RPS6KC1: variants seen among roughly 807,000 people sequenced by gnomAD.
The protein encoded by RPS6KC1 is inactive ribosomal protein S6 kinase delta-1.
Under a neutral mutation model 103.8 loss-of-function variants are expected in RPS6KC1, and 54 were observed. That is an observed-to-expected ratio of 0.52 (90% CI 0.42 to 0.65). The LOEUF is 0.65. Among genes scored for constraint, RPS6KC1 ranks in the 30% least tolerant of loss-of-function variants. The pLI, the probability that RPS6KC1 is intolerant of heterozygous loss-of-function variation, is 0.00. For synonymous variants in RPS6KC1, 439 were observed against 438.7 expected, an observed-to-expected ratio of 1.00 and a Z score of -0.01; for missense variants, 1,151 against 1,253.8, an observed-to-expected ratio of 0.92 and a Z score of 1.24.
chr1:213,266,677 C>T (rs187843205), intron 14 of RPS6KC1, among the ~76,000 whole-genome samples: 239 of 152,090 alleles, frequency 1.6e-3, no homozygotes, highest in Non-Finnish European at 2.7e-3. Context: ...GAGGCCGAGG[C>T]GGGTGGATCA....
chr1:213,164,478 C>T (rs924259776), intron 6 of RPS6KC1, among the ~76,000 whole-genome samples: 1 of 152,200 alleles, frequency 6.6e-6, no homozygotes, highest in Non-Finnish European at 1.5e-5. Flanking sequence ...TTGTCACAAT[C>T]CACATTAAGA....
chr1:213,547,186 A>G, the RPS6KC1 span, among the ~76,000 whole-genome samples: 1 of 152,218 alleles, frequency 6.6e-6, no homozygotes, highest in Non-Finnish European at 1.5e-5. Flanking sequence ...AGCATGATTT[A>G]TGACTGTTGA....
chr1:213,463,199 G>C, the RPS6KC1 span, among the ~76,000 whole-genome samples: 1 of 152,186 alleles, frequency 6.6e-6, no homozygotes, highest in Admixed American at 6.5e-5. Flanking sequence ...CTGCTAGAGA[G>C]AGTCAATGTT....
the RPS6KC1 span, among the ~76,000 whole-genome samples, chr1:213,467,106 C>A: frequency 6.6e-6 from 1 of 151,902 alleles, no homozygotes; most frequent in African/African-American, 2.4e-5. Flanking sequence ...GAATTGACTG[C>A]CTCTGGGCAG....
Position 213,137,777 on chromosome 1 carries a change from C to CTCTATATA in RPS6KC1, c.835+7889_835+7890insCTATATAT, listed in dbSNP as rs1387641875. On this transcript the variant is annotated intron_variant, in intron 6 of 14. Transcript: ENST00000366960. ...GCTCTCTCTCTCTCTCTCTCTCTCT[C>CTCTATATA]TATATATATATATATATATATATTT... Among the ~76,000 whole-genome samples, 33 of 63,584 alleles carry CTCTATATA rather than the reference C, an allele frequency of 5.2e-4. 2 individuals carry two copies. Among genetic ancestry groups the CTCTATATA allele is most frequent in the African/African-American group, 9.6e-4 (9 of 9,406 alleles). The allele number at this position is 63,584 out of a possible 152,430, so 41.7% of individuals were successfully genotyped here. A position where few individuals can be genotyped will look rare whatever the true frequency, so the allele number is the denominator to read the frequency against.
At chr1:213,439,748 C>A in the RPS6KC1 span, among the ~76,000 whole-genome samples, 1 of 151,882 alleles carries the variant, frequency 6.6e-6, no homozygotes, top group African/African-American at 2.4e-5. Context: ...ATCACTTTTA[C>A]TGTGTAATTA....
chr1:213,565,706 A>C, the RPS6KC1 span, among the ~76,000 whole-genome samples: 2 of 152,210 alleles, frequency 1.3e-5, no homozygotes, highest in African/African-American at 4.8e-5. Context: ...ATGTACACTT[A>C]TTATTTGTAT....
the RPS6KC1 span, among the ~76,000 whole-genome samples, chr1:213,545,230 G>T: frequency 1.3e-5 from 2 of 151,928 alleles, no homozygotes; most frequent in African/African-American, 4.8e-5. Context: ...CATTAACTGG[G>T]TGTGGTGATG....
intron 5 of RPS6KC1, among the ~76,000 whole-genome samples, chr1:213,126,384 G>A (rs914510010): frequency 4.6e-5 from 7 of 152,072 alleles, no homozygotes; most frequent in Admixed American, 1.3e-4. Context: ...AATGAAATCT[G>A]TTGCTTTTTG....
At chr1:213,251,103 T>A (rs929007155) in intron 12 of RPS6KC1, among the ~76,000 whole-genome samples, 3 of 63,892 alleles carry the variant, frequency 4.7e-5, no homozygotes, top group Non-Finnish European at 6.8e-5. Context: ...GTTTTTCAGC[T>A]TTTTTTTTTT....
At chr1:213,714,914 G>A in the RPS6KC1 span, among the ~76,000 whole-genome samples, 3 of 152,294 alleles carry the variant, frequency 2.0e-5, no homozygotes, top group East Asian at 1.9e-4. Context: ...TGGGAGGGAC[G>A]GCCATCAATC....
downstream of RPS6KC1, among the ~76,000 whole-genome samples, chr1:213,275,823 C>G (rs1388999838): frequency 1.3e-5 from 2 of 152,186 alleles, no homozygotes; most frequent in Non-Finnish European, 2.9e-5. Context: ...CCTATTCTTC[C>G]TGTCTAACTG....
intron 1 of RPS6KC1, among the ~76,000 whole-genome samples, chr1:213,064,337 G>A (rs1253916661): frequency 2.7e-5 from 4 of 150,710 alleles, no homozygotes; most frequent in East Asian, 2.0e-4. Context: ...GATTATAGGC[G>A]TGAGCCACTG....
Position 213,224,963 on chromosome 1 carries a change from CT to C in RPS6KC1, c.1045-5533del, listed in dbSNP as rs2093924657. On this transcript the variant is annotated intron_variant, in intron 8 of 14. Transcript: ENST00000366960. ...TGCAGTCGTTTCTCTTTGTGTACAG[CT>C]GTATGGCTAATAATTTCCAAGCAGC... Among the ~76,000 whole-genome samples the C allele has an allele frequency of 2.0e-5, 3 of 152,232 alleles. No homozygotes were observed. The South Asian group carries it at 6.2e-4, about 31-fold the overall frequency.
chr1:213,837,772 A>G, the RPS6KC1 span, among the ~76,000 whole-genome samples: 7 of 152,188 alleles, frequency 4.6e-5, no homozygotes, highest in Non-Finnish European at 1.0e-4. Flanking sequence ...GTTAAATTCA[A>G]TTTTGCTTCA....
chr1:213,409,175 C>T, the RPS6KC1 span, among the ~76,000 whole-genome samples: 1 of 152,102 alleles, frequency 6.6e-6, no homozygotes, highest in African/African-American at 2.4e-5. Flanking sequence ...CCACGCTTGT[C>T]CTCTAGAAGC....
the RPS6KC1 span, among the ~76,000 whole-genome samples, chr1:213,398,954 C>G: frequency 2.0e-5 from 3 of 152,104 alleles, no homozygotes; most frequent in African/African-American, 7.3e-5. Context: ...AACAAACAAC[C>G]TTGGGCCCTA....
the RPS6KC1 span, among the ~76,000 whole-genome samples, chr1:213,816,312 A>G: frequency 6.6e-6 from 1 of 152,232 alleles, no homozygotes; most frequent in Non-Finnish European, 1.5e-5. Flanking sequence ...TAAATCTTCA[A>G]TTTGTAAAAA....
the RPS6KC1 span, among the ~76,000 whole-genome samples, chr1:213,403,279 C>A: frequency 5.3e-5 from 8 of 152,168 alleles, no homozygotes; most frequent in Non-Finnish European, 7.3e-5. Flanking sequence ...TGGCTTCTCA[C>A]TGGGGAGTCC....
Sources: gnomAD v4.1 joint callset for allele counts (sites outside exome capture counted in the v4.1 genomes callset) on GRCh38, gnomAD v4.1.1 for gene constraint, MANE v1.5 for transcripts, NCBI Gene and HGNC (gene_info 2026-07-23, HGNC 2026-07-21) for gene names.